KCNIP1: variants seen among roughly 807,000 people sequenced by gnomAD.
The protein encoded by KCNIP1 is A-type potassium channel modulatory protein KCNIP1.
A neutral mutation model predicts 33.0 loss-of-function variants in KCNIP1; 18 were observed. That is an observed-to-expected ratio of 0.55 (90% confidence interval 0.38 to 0.81). The LOEUF (loss-of-function observed/expected upper bound fraction) is 0.81, where lower values mean the gene tolerates loss of function less well. Ranked by LOEUF, KCNIP1 falls within the 30% of genes least tolerant of loss-of-function variation. The pLI is 0.00. For missense variants in KCNIP1, 238 were observed against 271.6 expected (o/e 0.88, Z 0.87); for synonymous variants, 93 against 98.3 (o/e 0.95, Z 0.32).
chr5:170,566,298 G>A (rs2113470858), intron 1 of KCNIP1, among the ~76,000 whole-genome samples: 1 of 152,212 alleles, frequency 6.6e-6, no homozygotes, highest in South Asian at 2.1e-4. Flanking sequence ...TCATTGTGTT[G>A]GCTAGGCTGG....
intron 1 of KCNIP1, among the ~76,000 whole-genome samples, chr5:170,622,153 C>T (rs1759627371): frequency 6.6e-6 from 1 of 152,186 alleles, no homozygotes; most frequent in Non-Finnish European, 1.5e-5. Context: ...ATCAAGATTC[C>T]GTCTGTGGTG....
At chr5:170,467,245 T>G (rs1047124262) in intron 1 of KCNIP1, among the ~76,000 whole-genome samples, 4 of 152,174 alleles carry the variant, frequency 2.6e-5, no homozygotes, top group Non-Finnish European at 5.9e-5. Flanking sequence ...GTCGACGTTT[T>G]TAGCTTTATT....
chr5:170,520,039 C>T (rs1363375208), intron 1 of KCNIP1, among the ~76,000 whole-genome samples: 4 of 152,150 alleles, frequency 2.6e-5, no homozygotes. Flanking sequence ...CCCCAAGCTT[C>T]TAGTACCACC....
At chr5:170,378,444 T>G in intron 1 of KCNIP1, 1 of 452,118 alleles carries the variant, frequency 2.2e-6, no homozygotes, top group South Asian at 4.2e-5. Context: ...GTCAGTTGAG[T>G]GGGGACAGGT....
intron 1 of KCNIP1, among the ~76,000 whole-genome samples, chr5:170,699,884 C>T (rs994040736): frequency 5.3e-5 from 8 of 152,192 alleles, no homozygotes; most frequent in Non-Finnish European, 1.0e-4. Flanking sequence ...AGAGAGCTGG[C>T]CCCACAGAGC....
At chr5:170,667,895 C>T (rs866478753) in intron 1 of KCNIP1, among the ~76,000 whole-genome samples, 1 of 152,152 alleles carries the variant, frequency 6.6e-6, no homozygotes, top group South Asian at 2.1e-4. Context: ...GAAAGCCAAC[C>T]CAGAATCACT....
At chr5:170,660,967 T>C (rs1035151525) in intron 1 of KCNIP1, among the ~76,000 whole-genome samples, 2 of 152,202 alleles carry the variant, frequency 1.3e-5, no homozygotes, top group Admixed American at 6.5e-5. Flanking sequence ...AGGATTTCCC[T>C]GGGGACTGGA....
intron 1 of KCNIP1, among the ~76,000 whole-genome samples, chr5:170,681,605 A>G (rs1180849780): frequency 6.6e-6 from 1 of 152,234 alleles, no homozygotes; most frequent in African/African-American, 2.4e-5. Context: ...ATATGGAGGT[A>G]AAAACCTTTG....
intron 1 of KCNIP1, among the ~76,000 whole-genome samples, chr5:170,445,230 A>T (rs1367290460): frequency 6.6e-6 from 1 of 152,214 alleles, no homozygotes; most frequent in Non-Finnish European, 1.5e-5. Flanking sequence ...AGCCCCGTTA[A>T]GGGGGCAGGG....
intron 1 of KCNIP1, among the ~76,000 whole-genome samples, chr5:170,368,456 G>C (rs1036637937): frequency 2.6e-5 from 4 of 151,940 alleles, no homozygotes; most frequent in Admixed American, 6.6e-5. Context: ...GTAGAGACAG[G>C]GTTTCACAAT....
At chr5:170,383,445 A>C in intron 1 of KCNIP1, 1 of 611,998 alleles carries the variant, frequency 1.6e-6, no homozygotes, top group Non-Finnish European at 2.9e-6. Context: ...GAAACTGAGG[A>C]GGTGAGAGGC....
chr5:170,510,587 A>G (rs979325131), intron 1 of KCNIP1, among the ~76,000 whole-genome samples: 17 of 152,322 alleles, frequency 1.1e-4, no homozygotes, highest in African/African-American at 3.8e-4. Flanking sequence ...TCAGAGAAAC[A>G]TCTCTTTAAA....
chr5:170,717,277 G>A (rs1229384428), intron 1 of KCNIP1, among the ~76,000 whole-genome samples: 3 of 151,992 alleles, frequency 2.0e-5, no homozygotes, highest in Admixed American at 6.6e-5. Flanking sequence ...TTGAGAATAA[G>A]CCCTTTCATT....
chr5:170,613,568 AG>A (rs530617810), intron 1 of KCNIP1, among the ~76,000 whole-genome samples: 101 of 152,210 alleles, frequency 6.6e-4, no homozygotes, highest in African/African-American at 2.4e-3. Flanking sequence ...AGGAGATGGG[AG>A]GGAGAGAAAT....
At chr5:170,516,025 G>A (rs1021479336) in intron 1 of KCNIP1, among the ~76,000 whole-genome samples, 4 of 152,216 alleles carry the variant, frequency 2.6e-5, no homozygotes, top group African/African-American at 9.7e-5. Flanking sequence ...TGACAGTGAT[G>A]TTTTGTATGC....
intron 1 of KCNIP1, among the ~76,000 whole-genome samples, chr5:170,570,643 G>A (rs191093953): frequency 1.3e-3 from 194 of 152,352 alleles, no homozygotes; most frequent in African/African-American, 4.5e-3. Flanking sequence ...CAAAGGAATC[G>A]ATTCAGAAGT....
chr5:170,720,113 C>G (rs765004091), intron 2 of KCNIP1, among the ~76,000 whole-genome samples: 91 of 152,196 alleles, frequency 6.0e-4, no homozygotes, highest in Non-Finnish European at 2.1e-4. Context: ...CCCCAAATCT[C>G]TCCACCTCAC....
At chr5:170,381,506 C>A (rs1314454127) in intron 1 of KCNIP1, among the ~76,000 whole-genome samples, 1 of 152,224 alleles carries the variant, frequency 6.6e-6, no homozygotes, top group East Asian at 1.9e-4. Context: ...CACTTGAACC[C>A]CTATGATGGA....
intron 1 of KCNIP1, among the ~76,000 whole-genome samples, chr5:170,683,486 C>T (rs1762429780): frequency 1.3e-5 from 2 of 152,108 alleles, no homozygotes; most frequent in South Asian, 2.1e-4. Context: ...AAGTCTTTAC[C>T]ACACATAGGC....
Sources: allele counts gnomAD v4.1 joint callset (sites outside exome capture counted in the v4.1 genomes callset), GRCh38; gene constraint gnomAD v4.1.1; transcripts MANE v1.5; gene names NCBI Gene and HGNC (gene_info 2026-07-23, HGNC 2026-07-21).